Variants in RBPJ observed in about 807,000 individuals in gnomAD.
RBPJ encodes the protein recombination signal binding protein for immunoglobulin kappa J region.
In RBPJ, 9 loss-of-function variants were observed where a neutral mutation model predicts 67.8. The ratio of observed to expected loss-of-function variants is 0.13; its 90% confidence interval spans 0.08 to 0.23. RBPJ has a LOEUF of 0.23. Among genes scored for constraint, RBPJ ranks in the 10% least tolerant of loss-of-function variants. RBPJ has a pLI of 1.00. For missense variants in RBPJ, 305 were observed against 595.6 expected, an observed-to-expected ratio of 0.51 and a Z score of 5.08; for synonymous variants, 198 against 203.3, an observed-to-expected ratio of 0.97 and a Z score of 0.22.
the RBPJ span, among the ~76,000 whole-genome samples, chr4:26,157,426 C>T: frequency 6.6e-6 from 1 of 152,128 alleles, no homozygotes; most frequent in South Asian, 2.1e-4. Context: ...AAGCAAGACT[C>T]TGTCTCTAAA....
chr4:26,357,987 C>T (rs1393385933), intron 1 of RBPJ, among the ~76,000 whole-genome samples: 3 of 148,912 alleles, frequency 2.0e-5, no homozygotes, highest in African/African-American at 7.4e-5. Flanking sequence ...TACTTATGCT[C>T]GGGTGTTTTT....
Position 26,432,111 on chromosome 4 carries a change from T to C in RBPJ, c.*1104T>C, listed in dbSNP as rs1736292083. ...TTCCCAGTGATTTCATTCAGCAGGG[T>C]ATTTTCTGCCTTGTTGGCAAGTGAC... On this transcript the variant is annotated 3_prime_UTR_variant, in exon 11 of 11. Coordinates refer to ENST00000355476, the MANE Select transcript of RBPJ (RefSeq NM_015874.6). The C allele has an allele frequency of 6.6e-6, 1 of 152,242 alleles. No individual in the cohort carries two copies. Among genetic ancestry groups the C allele is most frequent in the Non-Finnish European group, 1.5e-5 (1 of 68,034 alleles). The allele number at this position is 152,242 out of a possible 1,614,324, so 9.4% of individuals were successfully genotyped here. A position where few individuals can be genotyped will look rare whatever the true frequency, so the allele number is the denominator to read the frequency against.
At chr4:26,114,103 A>G in the RBPJ span, among the ~76,000 whole-genome samples, 6 of 152,212 alleles carry the variant, frequency 3.9e-5, no homozygotes, top group African/African-American at 1.4e-4. Flanking sequence ...AATGGACAAT[A>G]TTCATTTACT....
At chr4:26,210,716 C>CTTCTTTCCTTCTTTCCTTCTTTCT (rs1718368503) in intron 1 of RBPJ, among the ~76,000 whole-genome samples, 1 of 40,092 alleles carries the variant, frequency 2.5e-5, no homozygotes, top group African/African-American at 1.1e-4. Context: ...TCCTTCTTTC[C>CTTCTTTCCTTCTTTCCTTCTTTCT]TTCTTTCTTT....
At chr4:26,335,614 C>T (rs1724735988) in intron 1 of RBPJ, among the ~76,000 whole-genome samples, 1 of 143,182 alleles carries the variant, frequency 7.0e-6, no homozygotes, top group Non-Finnish European at 1.5e-5. Context: ...CATATGCTTA[C>T]TTCTTTTTTT....
At chr4:26,340,283 TG>T (rs1725372132) in intron 1 of RBPJ, among the ~76,000 whole-genome samples, 1 of 152,088 alleles carries the variant, frequency 6.6e-6, no homozygotes, top group African/African-American at 2.4e-5. Flanking sequence ...TGTGGGTATG[TG>T]GGAGAACAGC....
At chr4:26,210,682 CTTT>C (rs1215623574) in intron 1 of RBPJ, among the ~76,000 whole-genome samples, 4 of 37,220 alleles carry the variant, frequency 1.1e-4, no homozygotes, top group African/African-American at 2.6e-4. Context: ...TTCTTTCTTT[CTTT>C]CCTTTCTTTC....
the RBPJ span, among the ~76,000 whole-genome samples, chr4:26,157,108 C>CAAACAAACAAAAAAAAAA: frequency 1.7e-5 from 2 of 117,812 alleles, no homozygotes. Context: ...CAAAAACAAA[C>CAAACAAACAAAAAAAAAA]AAACAAACAA....
At position 26,273,861 on chromosome 4, in the gene RBPJ, C is replaced by T. The variant is rs183322781; in HGVS notation, c.-166-88585C>T. Among the ~76,000 whole-genome samples, 118 of 152,320 alleles carry T rather than the reference C, an allele frequency of 7.7e-4. No homozygotes were observed. In the East Asian group the frequency reaches 0.019, roughly 25 times the overall value. ...TCTTTGAAGCTGAACGCAGCCAAGA[C>T]ACAGTCATCGCCATTTGCATCTTCC... On this transcript the variant is annotated intron_variant, in intron 1 of 4. Coordinates refer to the RBPJ transcript ENST00000512351.
the RBPJ span, among the ~76,000 whole-genome samples, chr4:26,128,737 A>G: frequency 1.3e-5 from 2 of 152,176 alleles, no homozygotes; most frequent in Admixed American, 6.5e-5. Context: ...CTTGAATTGT[A>G]GCTCCCACAA....
At chr4:26,316,490 T>TATATTC (rs1722628740), upstream of RBPJ, among the ~76,000 whole-genome samples, 2 of 73,650 alleles carry the variant, frequency 2.7e-5, no homozygotes, top group Non-Finnish European at 3.0e-5. Flanking sequence ...TACATATTCA[T>TATATTC]ATATATATTC....
upstream of RBPJ, among the ~76,000 whole-genome samples, chr4:26,158,937 CTCTCTCTT>C (rs1716024779): frequency 8.2e-6 from 1 of 121,410 alleles, no homozygotes; most frequent in Non-Finnish European, 1.7e-5. Flanking sequence ...CTTTCTCCCT[CTCTCTCTT>C]TCTCTCTCTC....
At chr4:26,232,811 C>G (rs1339686936) in intron 1 of RBPJ, among the ~76,000 whole-genome samples, 1 of 152,142 alleles carries the variant, frequency 6.6e-6, no homozygotes, top group Non-Finnish European at 1.5e-5. Context: ...GTGCTTCATT[C>G]CCTCATTTGT....
upstream of RBPJ, among the ~76,000 whole-genome samples, chr4:26,318,129 GCACACACA>G (rs33941779): frequency 1.4e-5 from 2 of 146,842 alleles, no homozygotes; most frequent in Middle Eastern, 3.6e-3. Context: ...ACACACACAC[GCACACACA>G]CACACACACA....
chr4:26,178,422 A>G (rs1716869366), intron 1 of RBPJ, among the ~76,000 whole-genome samples: 1 of 152,106 alleles, frequency 6.6e-6, no homozygotes, highest in Non-Finnish European at 1.5e-5. Context: ...GCTTGAAGCC[A>G]GTAGCAAGTC....
At chr4:26,191,630 G>A (rs547486255) in intron 1 of RBPJ, among the ~76,000 whole-genome samples, 65 of 152,280 alleles carry the variant, frequency 4.3e-4, no homozygotes, top group African/African-American at 1.4e-3. Flanking sequence ...TCTCCCAGCC[G>A]AGTCATGCAA....
rs1012282958 is a variant in RBPJ at position 26,392,487 on chromosome 4, G to A, written c.59+6096G>A. ...TGAATTTCTATTAAGCAGTAAAAAA[G>A]GAATGAACTTGATACATGCAACAAC... is the stretch of plus-strand genomic sequence containing the variant. On this transcript the variant is annotated intron_variant, in intron 2 of 10. Transcript: ENST00000355476. Among the ~76,000 whole-genome samples the A allele has an allele frequency of 1.3e-4, 20 of 152,118 alleles. No individual in the cohort carries two copies. The East Asian group carries it at 3.9e-3, about 29-fold the overall frequency.
rs150252071 is a variant in RBPJ at position 26,285,461 on chromosome 4, G to A, written c.-166-76985G>A. On this transcript the variant is annotated intron_variant, in intron 1 of 4. Coordinates refer to the RBPJ transcript ENST00000512351. The stretch of plus-strand genomic sequence containing the variant: ...AGTATAAGAACAACTATCTACATCC[G>A]GTGCTGGTAAAACCCCTACTGTCAT... Among the ~76,000 whole-genome samples, 614 of 151,872 alleles carry A rather than the reference G, an allele frequency of 4.0e-3. 3 individuals carry two copies. Among genetic ancestry groups the A allele is most frequent in the African/African-American group, 0.014 (587 of 41,360 alleles).
chr4:26,382,388 A>G (rs1047768078), intron 1 of RBPJ, among the ~76,000 whole-genome samples: 19 of 152,230 alleles, frequency 1.2e-4, no homozygotes, highest in African/African-American at 4.6e-4. Context: ...TTGTTTAATC[A>G]AATTAGTAGT....
Sources: gnomAD v4.1 joint callset for allele counts (sites outside exome capture counted in the v4.1 genomes callset) on GRCh38, gnomAD v4.1.1 for gene constraint, MANE v1.5 for transcripts, NCBI Gene and HGNC (gene_info 2026-07-23, HGNC 2026-07-21) for gene names.